RALGDS: variants seen among roughly 807,000 people sequenced by gnomAD.
RALGDS encodes the protein ral guanine nucleotide dissociation stimulator, also known as ral guanine nucleotide exchange factor.
Under a neutral mutation model 99.8 loss-of-function variants are expected in RALGDS, and 44 were observed. That is an observed-to-expected ratio of 0.44 (90% confidence interval 0.35 to 0.57). The LOEUF (loss-of-function observed/expected upper bound fraction) is 0.57. Ranked by LOEUF, RALGDS falls within the 20% of genes least tolerant of loss-of-function variation. The pLI, the probability that RALGDS is intolerant of heterozygous loss-of-function variation, is 0.01. For missense variants in RALGDS, 1,022 were observed against 1,203.1 expected (o/e 0.85, Z 2.23); for synonymous variants, 529 against 505.0 (o/e 1.05, Z -0.64).
Position 133,110,300 on chromosome 9 carries a change from T to G in RALGDS, c.484A>C (p.Lys162Gln). Reference protein sequence around the residue: ...TTQQVLDLLFKRYGRCDALTA... With the variant: ...TTQQVLDLLFQRYGRCDALTA... ...CAGTGGAGGGCTCATGCTCACCTTT[T>G]GAACAGCAGGTCCAGGACCTGTTGG... is the stretch of plus-strand genomic sequence containing the variant. The change falls in exon 3 of 18, where the codon AAA becomes CAA. Residue 162 changes from lysine to glutamine, a missense_variant. Physicochemically the swap from Lys to Gln is moderately conservative, Grantham distance 53. Coordinates refer to ENST00000372050, the MANE Select transcript of RALGDS (RefSeq NM_006266.4). The G allele has an allele frequency of 6.2e-7, 1 of 1,613,408 alleles. No individual in the cohort carries two copies.
rs565842277 is a variant in RALGDS at position 133,142,763 on chromosome 9, T to C, written c.18+6200A>G. On this transcript the variant is annotated intron_variant, in intron 1 of 17. Transcript: ENST00000393160. ...GACGATGAAAGGGGCTCATTAGCTCTGTTTATGTCTCCTTGCCGCCATTAA... is the reference window on the plus strand; with the variant it reads ...GACGATGAAAGGGGCTCATTAGCTCCGTTTATGTCTCCTTGCCGCCATTAA... Among the ~76,000 whole-genome samples the C allele has an allele frequency of 2.6e-5, 4 of 152,342 alleles. No individual in the cohort carries two copies. In the South Asian group the frequency reaches 8.3e-4, roughly 32 times the overall value.
chr9:133,098,929 G>A, intron 17 of RALGDS, 167 bp from the exon 18 acceptor site: 1 of 657,068 alleles, frequency 1.5e-6, no homozygotes, highest in South Asian at 1.8e-5. Context: ...CCTGCCTGAG[G>A]ACAGACTCTG....
upstream of RALGDS, among the ~76,000 whole-genome samples, chr9:133,135,722 T>G (rs1181670998): frequency 6.6e-6 from 1 of 152,168 alleles, no homozygotes; most frequent in Non-Finnish European, 1.5e-5. Flanking sequence ...TGAGCCTTGG[T>G]TCTAGCCCAT....
intron 1 of RALGDS, among the ~76,000 whole-genome samples, chr9:133,141,418 G>A (rs1832519524): frequency 6.6e-6 from 1 of 151,380 alleles, no homozygotes; most frequent in Non-Finnish European, 1.5e-5. Flanking sequence ...TGGGTGCAGG[G>A]TGGGTGCCCA....
At chr9:133,147,106 C>T (rs1438639422) in intron 1 of RALGDS, among the ~76,000 whole-genome samples, 1 of 152,162 alleles carries the variant, frequency 6.6e-6, no homozygotes, top group East Asian at 1.9e-4. Context: ...GCTGCCCCTC[C>T]CACCCCCAGC....
intron 1 of RALGDS, among the ~76,000 whole-genome samples, chr9:133,146,932 A>T (rs1056286512): frequency 6.6e-6 from 1 of 152,210 alleles, no homozygotes; most frequent in African/African-American, 2.4e-5. Flanking sequence ...CAGTCCAGCC[A>T]TGGATGAGAC....
upstream of RALGDS, among the ~76,000 whole-genome samples, chr9:133,132,017 A>G (rs1832342834): frequency 6.6e-6 from 1 of 152,038 alleles, no homozygotes; most frequent in Non-Finnish European, 1.5e-5. Flanking sequence ...CAGACATTTG[A>G]TCAATGTTGG....
chr9:133,098,538 G>C lies in RALGDS; in HGVS notation c.*49C>G. 6.2e-7 allele frequency: 1 copy of C among 1,604,424 alleles called. No homozygotes were observed. Among genetic ancestry groups the C allele is most frequent in the Non-Finnish European group, 8.5e-7 (1 of 1,173,570 alleles). ...GCGCCCAGCTGGCCTGGGCCACTCT[G>C]GTCCATAAGTGCTTGGCTACCAGCC... is the stretch of plus-strand genomic sequence containing the variant. On this transcript the variant is annotated 3_prime_UTR_variant, in exon 18 of 18. Transcript: ENST00000372050.
At chr9:133,126,391 T>C (rs1832162583) in intron 1 of RALGDS, among the ~76,000 whole-genome samples, 1 of 152,260 alleles carries the variant, frequency 6.6e-6, no homozygotes, top group South Asian at 2.1e-4. Context: ...CACATGTGTT[T>C]TGTTTGGCTT....
Position 133,146,115 on chromosome 9 carries a change from GC to G in RALGDS, c.18+2847del, listed in dbSNP as rs1832618783. ...AAAATGAAGCAAAAATCAGATATCG[GC>G]CCCCTGTGGCATATGGGAGCATCTT... is the stretch of plus-strand genomic sequence containing the variant. On this transcript the variant is annotated intron_variant, in intron 1 of 17. Transcript: ENST00000393160. Among the ~76,000 whole-genome samples the G allele has an allele frequency of 1.3e-5, 2 of 152,156 alleles. 1 individual carries two copies. The highest frequency in any genetic ancestry group is 4.1e-4 in the South Asian group (2 of 4,826).
chr9:133,127,596 C>G (rs985003948), intron 1 of RALGDS, among the ~76,000 whole-genome samples: 8 of 152,248 alleles, frequency 5.3e-5, no homozygotes, highest in Non-Finnish European at 1.0e-4. Flanking sequence ...CGGGTGAGCA[C>G]ACACCTTGGC....
At chr9:133,124,867 TCTC>T (rs763098848), upstream of RALGDS, among the ~76,000 whole-genome samples, 2 of 152,204 alleles carry the variant, frequency 1.3e-5, no homozygotes, top group Non-Finnish European at 2.9e-5. Context: ...CTCACAGTGT[TCTC>T]CTCAAAACCC....
intron 1 of RALGDS, among the ~76,000 whole-genome samples, chr9:133,120,337 G>C (rs1831854585): frequency 6.6e-6 from 1 of 151,940 alleles, no homozygotes; most frequent in Non-Finnish European, 1.5e-5. Flanking sequence ...AACAAGTCTT[G>C]CCCGCCCTGG....
At chr9:133,102,220 G>C (rs190569792) in intron 14 of RALGDS, 81 bp from the exon 15 acceptor site, 31 of 1,448,116 alleles carry the variant, frequency 2.1e-5, no homozygotes, top group Non-Finnish European at 2.9e-5. Context: ...TGCGCCCAAG[G>C]ACTGTGCAAA....
rs2519090 is a variant in RALGDS, at chr9:133,101,292, C to T, written c.2454+228G>A. The T allele has an allele frequency of 1.9e-5, 26 of 1,376,416 alleles. No homozygotes were observed. The Middle Eastern group carries it at 2.0e-3, about 105-fold the overall frequency. 85.3% of individuals were successfully genotyped at this position (1,376,416 alleles called of 1,614,324 possible). A position where few individuals can be genotyped will look rare whatever the true frequency, so the allele number is the denominator to read the frequency against. On this transcript the variant is annotated intron_variant, in intron 16 of 17. Coordinates refer to ENST00000372050, the MANE Select transcript of RALGDS (RefSeq NM_006266.4). ...CCTGACCTCACCTCCCCTACAGCAC[C>T]GCCCCTTCAGCTCCTGGGGGCTTTG... is the stretch of plus-strand genomic sequence containing the variant.
At chr9:133,110,148 C>T in intron 3 of RALGDS, 148 bp downstream of exon 3, 2 of 840,898 alleles carry the variant, frequency 2.4e-6, no homozygotes, top group South Asian at 1.6e-5. Flanking sequence ...GTGACAACCC[C>T]ATGAGGTCCT....
chr9:133,110,201 CAG>C (rs1831274888), intron 3 of RALGDS, 93 bp downstream of exon 3: 1 of 1,286,462 alleles, frequency 7.8e-7, no homozygotes, highest in Non-Finnish European at 1.1e-6. Flanking sequence ...AAGCGAGGCT[CAG>C]AGAGGTGAAT....
chr9:133,124,340 G>A (rs915279331), upstream of RALGDS, among the ~76,000 whole-genome samples: 1 of 151,518 alleles, frequency 6.6e-6, no homozygotes, highest in Non-Finnish European at 1.5e-5. Flanking sequence ...AGACACACAC[G>A]CAGAGATAGA....
At chr9:133,140,512 G>GT (rs1328539963) in intron 1 of RALGDS, among the ~76,000 whole-genome samples, 13 of 152,138 alleles carry the variant, frequency 8.5e-5, no homozygotes, top group African/African-American at 3.1e-4. Context: ...CCTTCCCATG[G>GT]GAGCCCTTTC....
Sources: gnomAD v4.1 joint callset for allele counts (sites outside exome capture counted in the v4.1 genomes callset) on GRCh38, gnomAD v4.1.1 for gene constraint, MANE v1.5 for transcripts, NCBI Gene and HGNC (gene_info 2026-07-23, HGNC 2026-07-21) for gene names.